Variants in AJAP1 observed in about 807,000 individuals in gnomAD.
AJAP1 encodes adherens junctions associated protein 1.
In AJAP1, 5 loss-of-function variants were observed where a neutral mutation model predicts 35.0. That is an observed-to-expected ratio of 0.14 (90% confidence interval 0.07 to 0.30). The LOEUF (loss-of-function observed/expected upper bound fraction) is 0.30. Among genes scored for constraint, AJAP1 ranks in the 10% least tolerant of loss-of-function variants. AJAP1 has a pLI of 1.00. For synonymous variants in AJAP1, 284 were observed against 249.3 expected, an observed-to-expected ratio of 1.14 and a Z score of -1.31; for missense variants, 586 against 571.0, an observed-to-expected ratio of 1.03 and a Z score of -0.27.
In AJAP1 at chr1:4,683,596, T is replaced by G. The variant is rs74941471; in HGVS notation, c.29+28142T>G. Among the ~76,000 whole-genome samples, 158 of 152,216 alleles carry G rather than the reference T, an allele frequency of 1.0e-3. 4 individuals are homozygous for G. In the East Asian group the frequency reaches 0.03, roughly 29 times the overall value. ...AATGTAGGCAAGGAATTTCTACGGG[T>G]TTTAGGAAAATGTTTCGTCCTGCAC... On this transcript the variant is annotated intron_variant, in intron 1 of 5. Transcript: ENST00000378191.
At chr1:4,686,570 C>T (rs78014182) in intron 1 of AJAP1, among the ~76,000 whole-genome samples, 4,112 of 152,302 alleles carry the variant, frequency 0.027, 114 homozygotes, top group East Asian at 0.075. Flanking sequence ...ACTAATTCTG[C>T]GGGAGCGCAT....
intron 1 of AJAP1, among the ~76,000 whole-genome samples, chr1:4,690,083 AAAGAC>A (rs1639705069): frequency 6.6e-6 from 1 of 152,012 alleles, no homozygotes; most frequent in South Asian, 2.1e-4. Flanking sequence ...ACTCGCTGAC[AAAGAC>A]AAGACTCAGT....
intron 2 of AJAP1, among the ~76,000 whole-genome samples, chr1:4,729,284 A>T (rs1443896105): frequency 6.6e-6 from 1 of 151,986 alleles, no homozygotes; most frequent in Non-Finnish European, 1.5e-5. Context: ...GCAGGGCCCG[A>T]GTCTCGAGGG....
intron 2 of AJAP1, among the ~76,000 whole-genome samples, chr1:4,746,724 G>A (rs1641196656): frequency 6.6e-6 from 1 of 152,234 alleles, no homozygotes; most frequent in South Asian, 2.1e-4. Context: ...TCAGCAGGCA[G>A]CCTCTGGGGT....
intron 5 of AJAP1, among the ~76,000 whole-genome samples, chr1:4,778,729 C>CT (rs572555666): frequency 6.6e-6 from 1 of 152,190 alleles, no homozygotes; most frequent in Non-Finnish European, 1.5e-5. Context: ...CCGGGGATGT[C>CT]TGGCATAGGC....
At chr1:4,738,989 C>A (rs567403203) in intron 2 of AJAP1, among the ~76,000 whole-genome samples, 14 of 152,014 alleles carry the variant, frequency 9.2e-5, no homozygotes, top group Admixed American at 7.9e-4. Context: ...GGTTTGGACA[C>A]CAAGTTCATG....
At chr1:4,736,919 G>C (rs1327084295) in intron 2 of AJAP1, among the ~76,000 whole-genome samples, 1 of 152,128 alleles carries the variant, frequency 6.6e-6, no homozygotes, top group Admixed American at 6.5e-5. Context: ...ACTACTGGGG[G>C]TGGATTGAGG....
rs1638839020 is a variant in AJAP1, at chr1:4,654,890, C to G, written c.-536C>G. On this transcript the variant is annotated 5_prime_UTR_variant, in exon 1 of 6. Transcript: ENST00000378191. This position sits in a 1 kb window ranked among gnomAD's most constrained non-coding sequence, Gnocchi z 5.1. ...CGGCGGAGCCTCTGGCAGAGCCCCC[C>G]GACCCGGCAGCGCGGAGGGGACTCG... 6.7e-6 allele frequency: 1 copy of G among 150,230 alleles called. No individual in the cohort carries two copies. The highest frequency in any genetic ancestry group is 2.4e-5 in the African/African-American group (1 of 41,280). 9.3% of individuals were successfully genotyped at this position (150,230 alleles called of 1,614,324 possible).
At chr1:4,663,166 A>T (rs1477639814) in intron 1 of AJAP1, among the ~76,000 whole-genome samples, 10 of 152,102 alleles carry the variant, frequency 6.6e-5, no homozygotes, top group Admixed American at 6.5e-4. Flanking sequence ...CTTTGAATAG[A>T]TTAGGTCTTG....
At chr1:4,725,798 G>T (rs569707632) in intron 2 of AJAP1, among the ~76,000 whole-genome samples, 23 of 152,206 alleles carry the variant, frequency 1.5e-4, no homozygotes, top group Non-Finnish European at 2.5e-4. Flanking sequence ...TCTCCTCCCC[G>T]TGTCCTCACA....
chr1:4,686,834 C>T (rs1324048111), intron 1 of AJAP1, among the ~76,000 whole-genome samples: 1 of 152,228 alleles, frequency 6.6e-6, no homozygotes, highest in Non-Finnish European at 1.5e-5. Flanking sequence ...GCCCTCCAGT[C>T]TCTCAGTGTG....
At chr1:4,739,452 C>G (rs919599419) in intron 2 of AJAP1, among the ~76,000 whole-genome samples, 2 of 152,224 alleles carry the variant, frequency 1.3e-5, no homozygotes, top group Non-Finnish European at 2.9e-5. Context: ...CTCGTGTTAA[C>G]TCCAGGTCTC....
chr1:4,655,502 G>T lies in AJAP1; in HGVS notation c.29+48G>T. ...GGTGCGTGTGGGCGCGTGGGTGCCA[G>T]GCTGGGCGGAAGCGGCGCTTTCCTC... On this transcript the variant is annotated intron_variant, in intron 1 of 5. Coordinates refer to ENST00000378191, the MANE Select transcript of AJAP1 (RefSeq NM_018836.4). The surrounding 1 kb of genome is among the most constrained non-coding windows in gnomAD (Gnocchi z 6.9). 1 of 1,550,828 alleles carries T rather than the reference G, an allele frequency of 6.4e-7. No homozygotes were observed. The highest frequency in any genetic ancestry group is 1.2e-5 in the South Asian group (1 of 86,416).
chr1:4,655,414 C>G lies in AJAP1; in HGVS notation c.-12C>G, dbSNP rs1166044460. 1 of 1,562,558 alleles carries G rather than the reference C, an allele frequency of 6.4e-7. No homozygotes were observed. The highest frequency in any genetic ancestry group is 1.4e-5 in the African/African-American group (1 of 70,892). ...GAGCCAGGTCTGAGGCCCCGCTCCC[C>G]GAAACGTGACCATGTGGATTCAACA... is the stretch of plus-strand genomic sequence containing the variant. On this transcript the variant is annotated 5_prime_UTR_variant, in exon 1 of 6. Coordinates refer to ENST00000378191, the MANE Select transcript of AJAP1 (RefSeq NM_018836.4). The surrounding 1 kb of genome is among the most constrained non-coding windows in gnomAD (Gnocchi z 6.9).
At position 4,697,166 on chromosome 1, in the gene AJAP1, G is replaced by A. The variant is rs376880647; in HGVS notation, c.30-14734G>A. ...GTATTCTGTGTGTGCATGCCTGACT[G>A]TATTAGTTTGTATGTGGCTGTATGT... is the stretch of plus-strand genomic sequence containing the variant. On this transcript the variant is annotated intron_variant, in intron 1 of 5. Coordinates refer to ENST00000378191, the MANE Select transcript of AJAP1 (RefSeq NM_018836.4). 6.6e-5 allele frequency among the ~76,000 whole-genome samples: 10 copies of A among 152,270 alleles called. No homozygotes were observed. The East Asian group carries it at 1.5e-3, about 24-fold the overall frequency.
chr1:4,739,290 T>C (rs762269939), intron 2 of AJAP1, among the ~76,000 whole-genome samples: 2 of 152,232 alleles, frequency 1.3e-5, no homozygotes, highest in Non-Finnish European at 2.9e-5. Flanking sequence ...CTTTGCCCAG[T>C]GCAAGTATCG....
At chr1:4,711,423 T>C (rs756627584) in intron 1 of AJAP1, among the ~76,000 whole-genome samples, 2 of 152,154 alleles carry the variant, frequency 1.3e-5, no homozygotes, top group African/African-American at 4.8e-5. Context: ...CTGGGCTATG[T>C]AGAGGAAAGC....
At chr1:4,739,384 G>A (rs988240964) in intron 2 of AJAP1, among the ~76,000 whole-genome samples, 7 of 152,212 alleles carry the variant, frequency 4.6e-5, no homozygotes, top group Non-Finnish European at 8.8e-5. Flanking sequence ...ATGGTCATGC[G>A]ACAGGCCTGG....
At chr1:4,708,955 C>T (rs76144721) in intron 1 of AJAP1, among the ~76,000 whole-genome samples, 4 of 152,158 alleles carry the variant, frequency 2.6e-5, no homozygotes, top group Non-Finnish European at 2.9e-5. Context: ...AAAAACAAAT[C>T]GACCTCTCCC....
Sources: allele counts gnomAD v4.1 joint callset (sites outside exome capture counted in the v4.1 genomes callset), GRCh38; gene constraint gnomAD v4.1.1; non-coding constraint Gnocchi (gnomAD v3.1); transcripts MANE v1.5; gene names NCBI Gene and HGNC (gene_info 2026-07-23, HGNC 2026-07-21).